The following PPEF2 variants were observed in gnomAD, a reference collection of about 807,000 sequenced individuals.
The protein encoded by PPEF2 is protein phosphatase with EF-hand domain 2, also known as serine/threonine-protein phosphatase with EF-hands 2.
A neutral mutation model predicts 84.7 loss-of-function variants in PPEF2; 84 were observed. That is an observed-to-expected ratio of 0.99 (90% CI 0.83 to 1.19). The LOEUF is 1.19. Ranked by LOEUF, PPEF2 falls within the 50% of genes most tolerant of loss-of-function variation. The pLI is 0.00. For synonymous variants in PPEF2, 346 were observed against 345.2 expected (o/e 1.00, Z -0.03); for missense variants, 924 against 937.5 (o/e 0.99, Z 0.19).
chr4:75,863,210 G>A (rs7685485), intron 16 of PPEF2, among the ~76,000 whole-genome samples: 132,889 of 149,900 alleles, frequency 0.89, 60,845 homozygotes, highest in Non-Finnish European at 1. Context: ...AAATGTTCTA[G>A]GCCAGGTGCA....
chr4:75,886,523 C>T (rs1167238338), intron 7 of PPEF2, among the ~76,000 whole-genome samples: 1 of 152,102 alleles, frequency 6.6e-6, no homozygotes, highest in African/African-American at 2.4e-5. Flanking sequence ...TACTGAAAGT[C>T]AGCCCTCGAC....
chr4:75,894,770 G>A (rs556044812), intron 2 of PPEF2, among the ~76,000 whole-genome samples: 6 of 152,130 alleles, frequency 3.9e-5, no homozygotes, highest in East Asian at 1.9e-4. Context: ...TCTGCCTACC[G>A]GCCCCTGTGG....
chr4:75,901,520 CAAA>C (rs72095152), intron 1 of PPEF2, among the ~76,000 whole-genome samples: 13 of 133,380 alleles, frequency 9.7e-5, no homozygotes, highest in Admixed American at 1.5e-4. Context: ...GACTCCACCT[CAAA>C]AAAAAAAAAA....
chr4:75,867,559 C>T, intron 13 of PPEF2, 140 bp from the exon 14 acceptor site: 1 of 606,360 alleles, frequency 1.6e-6, no homozygotes, highest in Non-Finnish European at 2.9e-6. Flanking sequence ...CGCCTTTACT[C>T]TTCCCTGTTG....
At chr4:75,868,610 C>A (rs537285823) in intron 13 of PPEF2, among the ~76,000 whole-genome samples, 2 of 151,628 alleles carry the variant, frequency 1.3e-5, no homozygotes, top group Admixed American at 6.6e-5. Context: ...GTGGGGAAAT[C>A]ACCTGAGCCT....
intron 10 of PPEF2, among the ~76,000 whole-genome samples, chr4:75,880,679 T>C (rs889382197): frequency 6.6e-6 from 1 of 152,132 alleles, no homozygotes; most frequent in Non-Finnish European, 1.5e-5. Context: ...ATACAACTGA[T>C]GGCTAGGTGT....
chr4:75,864,575 T>A, intron 15 of PPEF2, 48 bp from the exon 16 acceptor site: 1 of 1,379,764 alleles, frequency 7.2e-7, no homozygotes, highest in Non-Finnish European at 1.0e-6. Context: ...TTTAGACTTG[T>A]TCCAATATAT....
In PPEF2 at chr4:75,891,909, C is replaced by T. The variant is rs201749049; in HGVS notation, c.125G>A (p.Arg42His). Residue 42 changes from arginine (R) to histidine (H), a missense_variant, in exon 3 of 17, where the codon CGT becomes CAT. Physicochemically the swap from Arg to His is conservative, Grantham distance 29 (BLOSUM62 0). Transcript: ENST00000286719. Reference protein sequence around the residue: ...RYVARLEMRRRCTWSIFQSIE... With the variant: ...RYVARLEMRRHCTWSIFQSIE... Reference sequence around the variant, plus strand: ...AGACTGGAAGATGCTCCAGGTGCAACGCCGCCTCATCTCCAGGCGGGCCAC... The same window carrying T: ...AGACTGGAAGATGCTCCAGGTGCAATGCCGCCTCATCTCCAGGCGGGCCAC... 7.9e-5 allele frequency: 128 copies of T among 1,614,114 alleles called. No individual in the cohort carries two copies. The highest frequency in any genetic ancestry group is 9.6e-5 in the Non-Finnish European group (113 of 1,179,982).
chr4:75,873,330 T>C lies in PPEF2; in HGVS notation c.1321-18A>G, dbSNP rs200487482. 3 of 1,584,216 alleles carry C rather than the reference T, an allele frequency of 1.9e-6. No homozygotes were observed. The highest frequency in any genetic ancestry group is 4.6e-5 in the East Asian group (2 of 43,780). On this transcript the variant is annotated intron_variant, in intron 11 of 16. Transcript: ENST00000286719. ...TCTACAACCTGAGAAGACCAAGAGA[T>C]GATTTCCTTCCCAAAAACTAGATAC...
At chr4:75,863,597 GGTGAATTATATGGTTT>G (rs1724058706) in intron 16 of PPEF2, among the ~76,000 whole-genome samples, 1 of 151,770 alleles carries the variant, frequency 6.6e-6, no homozygotes, top group South Asian at 2.1e-4. Flanking sequence ...ACTTCATACA[GGTGAATTATATGGTTT>G]GTGAATTATG....
chr4:75,895,366 T>C (rs1310678786), intron 2 of PPEF2, among the ~76,000 whole-genome samples: 3 of 147,958 alleles, frequency 2.0e-5, no homozygotes, highest in African/African-American at 7.5e-5. Context: ...GAGGCGGAGG[T>C]TGCAGTGAGC....
chr4:75,900,820 T>C (rs1170817193), intron 1 of PPEF2, among the ~76,000 whole-genome samples: 2 of 152,186 alleles, frequency 1.3e-5, no homozygotes, highest in Non-Finnish European at 2.9e-5. Context: ...CAATGGAATG[T>C]ATTCCACCAT....
intron 1 of PPEF2, among the ~76,000 whole-genome samples, chr4:75,901,139 C>T (rs1474446063): frequency 1.3e-5 from 2 of 152,130 alleles, no homozygotes; most frequent in East Asian, 3.8e-4. Flanking sequence ...GAAAGTGGCT[C>T]TGACTAAATA....
chr4:75,890,902 G>T (rs1375902073), intron 4 of PPEF2, among the ~76,000 whole-genome samples: 1 of 152,188 alleles, frequency 6.6e-6, no homozygotes, highest in Admixed American at 6.5e-5. Flanking sequence ...CAACCTCCTG[G>T]CTTGGCTCAG....
intron 10 of PPEF2, 66 bp from the exon 11 acceptor site, chr4:75,876,739 C>T (rs1578006228): frequency 6.8e-7 from 1 of 1,465,360 alleles, no homozygotes; most frequent in South Asian, 1.4e-5. Flanking sequence ...GGTGTGGTGG[C>T]CCACTCCTGT....
intron 10 of PPEF2, among the ~76,000 whole-genome samples, chr4:75,878,743 C>T (rs2149219873): frequency 6.6e-6 from 1 of 152,248 alleles, no homozygotes; most frequent in Non-Finnish European, 1.5e-5. Flanking sequence ...CAGTGAGGGC[C>T]AGTCCACCAG....
chr4:75,862,529 G>A (rs1035162551), intron 16 of PPEF2, among the ~76,000 whole-genome samples: 4 of 152,030 alleles, frequency 2.6e-5, no homozygotes, highest in Non-Finnish European at 5.9e-5. Context: ...TATACAAATG[G>A]CCAATAAGCA....
At chr4:75,890,280 G>T in intron 4 of PPEF2, 148 bp from the exon 5 acceptor site, 2 of 834,846 alleles carry the variant, frequency 2.4e-6, no homozygotes, top group Non-Finnish European at 3.7e-6. Context: ...GAGCCCAGGA[G>T]TTTGAGAACA....
intron 12 of PPEF2, among the ~76,000 whole-genome samples, chr4:75,872,401 T>G (rs939772807): frequency 6.6e-6 from 1 of 152,252 alleles, no homozygotes; most frequent in Non-Finnish European, 1.5e-5. Flanking sequence ...ATGTATCTTC[T>G]TCACATTTTT....
Sources: gnomAD v4.1 joint callset for allele counts (sites outside exome capture counted in the v4.1 genomes callset) on GRCh38, gnomAD v4.1.1 for gene constraint, MANE v1.5 for transcripts, NCBI Gene and HGNC (gene_info 2026-07-23, HGNC 2026-07-21) for gene names.